The following GMDS variants were observed in gnomAD, a reference collection of about 807,000 sequenced individuals.
GMDS encodes GDP-mannose 4,6 dehydratase.
In GMDS, 20 loss-of-function variants were observed where a neutral mutation model predicts 49.9. That is an observed-to-expected ratio of 0.40 (90% CI 0.28 to 0.58). The LOEUF is 0.58. GMDS is among the 20% of genes least tolerant of loss of function. The pLI is 0.42. For synonymous variants in GMDS, 177 were observed against 178.6 expected, an observed-to-expected ratio of 0.99 and a Z score of 0.07; for missense variants, 362 against 481.4, an observed-to-expected ratio of 0.75 and a Z score of 2.32.
chr6:1,845,394 A>G (rs1757351333), intron 7 of GMDS, among the ~76,000 whole-genome samples: 1 of 152,240 alleles, frequency 6.6e-6, no homozygotes, highest in African/African-American at 2.4e-5. Context: ...GAGCATATAT[A>G]TATAAAACAT....
intron 1 of GMDS, among the ~76,000 whole-genome samples, chr6:2,239,908 G>C (rs1053729382): frequency 6.6e-6 from 1 of 151,924 alleles, no homozygotes; most frequent in Non-Finnish European, 1.5e-5. Flanking sequence ...GGATGGTATC[G>C]ATCTCCTGAC....
chr6:1,999,340 A>C (rs1313315859), intron 4 of GMDS, among the ~76,000 whole-genome samples: 8 of 135,626 alleles, frequency 5.9e-5, no homozygotes, highest in Admixed American at 5.3e-4. Context: ...AAAAAAAAAA[A>C]CTGCAGATAA....
At chr6:2,148,097 T>C (rs145668094) in intron 1 of GMDS, among the ~76,000 whole-genome samples, 2 of 152,250 alleles carry the variant, frequency 1.3e-5, no homozygotes, top group African/African-American at 4.8e-5. Flanking sequence ...ACATTTTTAC[T>C]ATTCCTGGAA....
At position 2,245,429 on chromosome 6, in the gene GMDS, C is replaced by T. The variant is rs149336890; in HGVS notation, c.-7G>A. 4.1e-6 allele frequency: 6 copies of T among 1,468,108 alleles called. No individual in the cohort carries two copies. Among genetic ancestry groups the T allele is most frequent in the Non-Finnish European group, 5.4e-6 (6 of 1,116,134 alleles). The allele number at this position is 1,468,108 out of a possible 1,614,324, so 90.9% of individuals were successfully genotyped here. ...GTGCCGGTGCGTGTGCCATGTCCCGCGGCGGGCGTGCGGTCGGCGGCAGGG... is the reference window on the plus strand; with the variant it reads ...GTGCCGGTGCGTGTGCCATGTCCCGTGGCGGGCGTGCGGTCGGCGGCAGGG... On this transcript the variant is annotated 5_prime_UTR_variant, in exon 1 of 11. Coordinates refer to ENST00000380815, the MANE Select transcript of GMDS (RefSeq NM_001500.4).
At chr6:2,138,827 T>C (rs1004018895) in intron 1 of GMDS, among the ~76,000 whole-genome samples, 9 of 152,164 alleles carry the variant, frequency 5.9e-5, no homozygotes, top group South Asian at 2.1e-4. Context: ...TTCTTGAAAA[T>C]GTCTTAATAT....
At chr6:1,981,228 C>T (rs753246319) in intron 4 of GMDS, among the ~76,000 whole-genome samples, 1 of 144,468 alleles carries the variant, frequency 6.9e-6, no homozygotes, top group African/African-American at 2.7e-5. Flanking sequence ...ATGAAAAAAC[C>T]TGCAAAAAAA....
chr6:2,136,406 G>A (rs757030319), intron 1 of GMDS, among the ~76,000 whole-genome samples: 1 of 152,096 alleles, frequency 6.6e-6, no homozygotes, highest in Non-Finnish European at 1.5e-5. Flanking sequence ...GACAAAACTG[G>A]TTCACTTTTG....
intron 4 of GMDS, among the ~76,000 whole-genome samples, chr6:2,016,449 T>C (rs755326477): frequency 2.0e-5 from 3 of 152,060 alleles, no homozygotes; most frequent in Non-Finnish European, 4.4e-5. Context: ...CTACAAGATA[T>C]ATGACTCAAA....
intron 7 of GMDS, among the ~76,000 whole-genome samples, chr6:1,757,879 T>G (rs1390473441): frequency 6.6e-6 from 1 of 152,242 alleles, no homozygotes; most frequent in Admixed American, 6.5e-5. Flanking sequence ...GAAGCTAAAT[T>G]TGATGTTTCA....
At chr6:1,918,294 C>T (rs1761513878) in intron 7 of GMDS, among the ~76,000 whole-genome samples, 1 of 152,154 alleles carries the variant, frequency 6.6e-6, no homozygotes, top group Non-Finnish European at 1.5e-5. Flanking sequence ...AAAAAGGTTT[C>T]TGAATGAGCT....
rs550029416 is a variant in GMDS, at chr6:2,079,013, CCTT to C, written c.345+36755_345+36757del. On this transcript the variant is annotated intron_variant, in intron 4 of 10. Transcript: ENST00000380815. ...TGATTCCTTTGTCATTGCATAATGACCTTGTCTTTTTTTTTTTTTTTTTTTTTT... is the reference window on the plus strand; with the variant it reads ...TGATTCCTTTGTCATTGCATAATGACGTCTTTTTTTTTTTTTTTTTTTTTT... Among the ~76,000 whole-genome samples the C allele has an allele frequency of 3.1e-3, 253 of 82,130 alleles. 3 individuals are homozygous for C. Among genetic ancestry groups the C allele is most frequent in the Admixed American group, 8.0e-3 (57 of 7,166 alleles). The allele number at this position is 82,130 out of a possible 152,430, so 53.9% of individuals were successfully genotyped here.
intron 4 of GMDS, among the ~76,000 whole-genome samples, chr6:2,088,344 G>A (rs1773127205): frequency 6.6e-6 from 1 of 152,160 alleles, no homozygotes; most frequent in Non-Finnish European, 1.5e-5. Flanking sequence ...TAACTTGTCT[G>A]TAAAATGGTA....
chr6:1,757,731 C>T (rs1202598598), intron 7 of GMDS, among the ~76,000 whole-genome samples: 1 of 152,192 alleles, frequency 6.6e-6, no homozygotes, highest in Non-Finnish European at 1.5e-5. Flanking sequence ...ATGGACATCA[C>T]AGTGCGTGCA....
chr6:1,740,046 T>C (rs1182896916), intron 8 of GMDS, among the ~76,000 whole-genome samples: 1 of 152,242 alleles, frequency 6.6e-6, no homozygotes, highest in Admixed American at 6.5e-5. Flanking sequence ...TAAAATGTCA[T>C]GTTTGATTCC....
chr6:1,824,302 C>T (rs796847110), intron 7 of GMDS, among the ~76,000 whole-genome samples: 15 of 152,248 alleles, frequency 9.9e-5, no homozygotes, highest in African/African-American at 2.9e-4. Flanking sequence ...TGCAACGTGA[C>T]GGAAACTCCA....
intron 7 of GMDS, among the ~76,000 whole-genome samples, chr6:1,885,909 T>C (rs1484860934): frequency 1.3e-5 from 2 of 152,202 alleles, no homozygotes; most frequent in African/African-American, 4.8e-5. Context: ...CAGGCTGCAC[T>C]GACACAGACT....
At chr6:2,116,994 A>C (rs1450506924) in intron 3 of GMDS, among the ~76,000 whole-genome samples, 2 of 152,252 alleles carry the variant, frequency 1.3e-5, no homozygotes, top group African/African-American at 4.8e-5. Flanking sequence ...GCAGCAAAAC[A>C]ACTGCAAATG....
chr6:1,651,431 C>T (rs1385804088), intron 9 of GMDS, among the ~76,000 whole-genome samples: 2 of 152,198 alleles, frequency 1.3e-5, no homozygotes, highest in African/African-American at 4.8e-5. Flanking sequence ...AGATGTTCTC[C>T]TGGAGCCTCC....
At chr6:2,068,270 A>C (rs1771748898) in intron 4 of GMDS, among the ~76,000 whole-genome samples, 1 of 151,958 alleles carries the variant, frequency 6.6e-6, no homozygotes, top group Non-Finnish European at 1.5e-5. Flanking sequence ...GTATTTCAAA[A>C]TAATAAGAGC....
Sources: gnomAD v4.1 joint callset for allele counts (sites outside exome capture counted in the v4.1 genomes callset) on GRCh38, gnomAD v4.1.1 for gene constraint, MANE v1.5 for transcripts, NCBI Gene and HGNC (gene_info 2026-07-23, HGNC 2026-07-21) for gene names.